DESI2: variants seen among roughly 807,000 people sequenced by gnomAD.
The protein encoded by DESI2 is deubiquitinase DESI2.
A neutral mutation model predicts 24.1 loss-of-function variants in DESI2; 10 were observed. The observed-to-expected ratio is 0.41, with a 90% CI of 0.26 to 0.70. DESI2 has a LOEUF of 0.70. Among genes scored for constraint, DESI2 ranks in the 30% least tolerant of loss-of-function variants. DESI2 has a pLI of 0.29. For synonymous variants in DESI2, 71 were observed against 87.7 expected, an observed-to-expected ratio of 0.81 and a Z score of 1.06; for missense variants, 122 against 234.9, an observed-to-expected ratio of 0.52 and a Z score of 3.14.
intron 1 of DESI2, among the ~76,000 whole-genome samples, chr1:244,676,780 T>TTATATATTGTATAAAATATATATTA (rs1309906330): frequency 6.8e-6 from 1 of 148,022 alleles, no homozygotes; most frequent in Non-Finnish European, 1.5e-5. Flanking sequence ...AATGTATATT[T>TTATATATTGTATAAAATATATATTA]TATATATTGT....
At chr1:244,660,449 A>G (rs1421274717) in intron 1 of DESI2, among the ~76,000 whole-genome samples, 1 of 152,212 alleles carries the variant, frequency 6.6e-6, no homozygotes, top group East Asian at 1.9e-4. Flanking sequence ...TATAGGCGTG[A>G]GCCACCGCAC....
At chr1:244,702,104 C>T (rs1236007697) in intron 4 of DESI2, among the ~76,000 whole-genome samples, 1 of 152,240 alleles carries the variant, frequency 6.6e-6, no homozygotes, top group Admixed American at 6.5e-5. Flanking sequence ...TACACACACA[C>T]AGGCATGTAA....
Position 244,653,344 on chromosome 1 carries a change from G to C in DESI2, c.31G>C (p.Val11Leu). Residue 11 changes from valine (V) to leucine (L), a missense_variant, in exon 1 of 5, where the codon GTG (valine) becomes CTG (leucine). Val to Leu is a conservative substitution (Grantham distance 32). Transcript: ENST00000302550. The stretch of plus-strand genomic sequence containing the variant: ...GGCTAACCAGTTAGTGGTGCTCAAC[G>C]TGTACGACATGGTGAGTGCGGCCCC... MGANQLVVLN[V>L]YDMYWMNEYT... 6.5e-7 allele frequency: 1 copy of C among 1,541,924 alleles called. No homozygotes were observed. The highest frequency in any genetic ancestry group is 1.4e-5 in the African/African-American group (1 of 69,444).
intron 1 of DESI2, among the ~76,000 whole-genome samples, chr1:244,657,383 C>T (rs1009463779): frequency 6.6e-6 from 1 of 152,230 alleles, no homozygotes; most frequent in Non-Finnish European, 1.5e-5. Flanking sequence ...TTCCTCCTGT[C>T]CACAGCGCAC....
At position 244,655,856 on chromosome 1, in the gene DESI2, A is replaced by G. The variant is rs1675628915; in HGVS notation, c.42+2501A>G. 2.0e-5 allele frequency among the ~76,000 whole-genome samples: 3 copies of G among 152,202 alleles called. No individual in the cohort carries two copies. In the South Asian group the frequency reaches 6.2e-4, roughly 31 times the overall value. On this transcript the variant is annotated intron_variant, in intron 1 of 4. Coordinates refer to ENST00000302550, the MANE Select transcript of DESI2 (RefSeq NM_016076.5). Reference sequence around the variant, plus strand: ...GAAAGGAGACAAAACTGAAAGTTTGATTAGAACTTCTTTAGTCAGATGTGT... The same window carrying G: ...GAAAGGAGACAAAACTGAAAGTTTGGTTAGAACTTCTTTAGTCAGATGTGT...
chr1:244,677,945 A>G (rs1676469813), intron 1 of DESI2, among the ~76,000 whole-genome samples: 2 of 152,082 alleles, frequency 1.3e-5, no homozygotes, highest in Non-Finnish European at 2.9e-5. Flanking sequence ...AATAATGATG[A>G]TGATGTTAGG....
Position 244,689,886 on chromosome 1 carries a change from T to C in DESI2, c.209+544T>C, listed in dbSNP as rs549395402. On this transcript the variant is annotated intron_variant, in intron 3 of 4. Transcript: ENST00000302550. The surrounding 1 kb of genome is among the most constrained non-coding windows in gnomAD (Gnocchi z 4.0). ...AGAAAAAGTTTTATTGTGACCTACC[T>C]AGCAAATTAAAAATGTCTTTATTGT... Among the ~76,000 whole-genome samples, 1 of 152,324 alleles carries C rather than the reference T, an allele frequency of 6.6e-6. No individual in the cohort carries two copies. Among genetic ancestry groups the C allele is most frequent in the East Asian group, 1.9e-4 (1 of 5,180 alleles).
intron 4 of DESI2, among the ~76,000 whole-genome samples, chr1:244,702,045 A>G (rs539222528): frequency 1.3e-5 from 2 of 152,350 alleles, no homozygotes; most frequent in South Asian, 4.1e-4. Flanking sequence ...ACCAAATACT[A>G]TTTGATCACT....
intron 4 of DESI2, among the ~76,000 whole-genome samples, chr1:244,703,645 C>G (rs1394544719): frequency 1.4e-5 from 2 of 147,468 alleles, no homozygotes; most frequent in African/African-American, 5.0e-5. Flanking sequence ...GCCACCATGC[C>G]TGGCCTCATG....
chr1:244,669,680 A>C (rs373424692), intron 1 of DESI2, among the ~76,000 whole-genome samples: 8 of 152,138 alleles, frequency 5.3e-5, no homozygotes, highest in East Asian at 3.9e-4. Flanking sequence ...CTCCATCTCA[A>C]AAAAAGAAAA....
intron 2 of DESI2, among the ~76,000 whole-genome samples, chr1:244,687,674 A>G (rs1333612863): frequency 6.6e-6 from 1 of 152,206 alleles, no homozygotes; most frequent in Admixed American, 6.5e-5. Context: ...AGCATATTAA[A>G]TGTTGGCTAT....
intron 1 of DESI2, chr1:244,653,573 A>T: frequency 1.9e-6 from 1 of 531,244 alleles, no homozygotes; most frequent in Non-Finnish European, 3.2e-6. Context: ...GTTTTGGCCA[A>T]AGCTCGGGTG....
intron 1 of DESI2, among the ~76,000 whole-genome samples, chr1:244,665,907 G>T (rs1676027398): frequency 6.6e-6 from 1 of 152,144 alleles, no homozygotes; most frequent in Non-Finnish European, 1.5e-5. Flanking sequence ...TACTGTTACA[G>T]TCACTCCCTC....
chr1:244,664,647 A>G (rs1029222235), intron 1 of DESI2, among the ~76,000 whole-genome samples: 3 of 152,252 alleles, frequency 2.0e-5, no homozygotes, highest in Admixed American at 6.5e-5. Context: ...GCAGTAAGCC[A>G]TGATTGTGCC....
chr1:244,679,313 C>T (rs559634528), intron 1 of DESI2, among the ~76,000 whole-genome samples: 1 of 152,318 alleles, frequency 6.6e-6, no homozygotes, highest in South Asian at 2.1e-4. Flanking sequence ...CTTAGAAATG[C>T]ATCTCTTGTA....
At chr1:244,676,323 C>G (rs573163241) in intron 1 of DESI2, among the ~76,000 whole-genome samples, 219 of 152,066 alleles carry the variant, frequency 1.4e-3, no homozygotes, top group Admixed American at 3.2e-3. Context: ...GTGATCCGCC[C>G]GCCTCAGCCT....
At position 244,705,672 on chromosome 1, in the gene DESI2, G is replaced by T. The variant is rs750011893; in HGVS notation, c.468G>T (p.Gln156His). 2.3e-5 allele frequency: 37 copies of T among 1,614,056 alleles called. No individual in the cohort carries two copies. Among genetic ancestry groups the T allele is most frequent in the Non-Finnish European group, 3.1e-5 (36 of 1,180,044 alleles). Reference sequence around the variant, plus strand: ...AGTGGCTCACGCCCGCAGCCCTGCAGTCTAGTGTCAGCCAAGAACTCCAGG... The same window carrying T: ...AGTGGCTCACGCCCGCAGCCCTGCATTCTAGTGTCAGCCAAGAACTCCAGG... Reference protein sequence around the residue: ...PKEWLTPAALQSSVSQELQDE... With the variant: ...PKEWLTPAALHSSVSQELQDE... Residue 156 changes from glutamine (Q) to histidine (H), a missense_variant, in exon 5 of 5, where the codon CAG becomes CAT. By Grantham distance (24) the Gln-to-His change is conservative. Transcript: ENST00000302550.
At chr1:244,663,361 A>G (rs1675916881) in intron 1 of DESI2, among the ~76,000 whole-genome samples, 1 of 151,978 alleles carries the variant, frequency 6.6e-6, no homozygotes, top group African/African-American at 2.4e-5. Flanking sequence ...TATTTTTAGT[A>G]GAGACGGGGT....
intron 1 of DESI2, among the ~76,000 whole-genome samples, chr1:244,674,859 C>A (rs1359538435): frequency 6.6e-6 from 1 of 152,166 alleles, no homozygotes; most frequent in Non-Finnish European, 1.5e-5. Context: ...ATTTTCATTT[C>A]TCTTGGGCAT....
Sources: gnomAD v4.1 joint callset for allele counts (sites outside exome capture counted in the v4.1 genomes callset) on GRCh38, gnomAD v4.1.1 for gene constraint, Gnocchi (gnomAD v3.1) non-coding constraint, MANE v1.5 for transcripts, NCBI Gene and HGNC (gene_info 2026-07-23, HGNC 2026-07-21) for gene names.